PHACTR3: variants seen among roughly 807,000 people sequenced by gnomAD.
PHACTR3 encodes the protein phosphatase and actin regulator 3, also known as protein phosphatase 1, regulatory subunit 123.
Under a neutral mutation model 66.8 loss-of-function variants are expected in PHACTR3, and 16 were observed. The ratio of observed to expected loss-of-function variants is 0.24; its 90% confidence interval spans 0.16 to 0.36. The LOEUF (loss-of-function observed/expected upper bound fraction) is 0.36. Ranked by LOEUF, PHACTR3 falls within the 10% of genes least tolerant of loss-of-function variation. PHACTR3 has a pLI of 1.00. For synonymous variants in PHACTR3, 323 were observed against 292.1 expected, an observed-to-expected ratio of 1.11 and a Z score of -1.08; for missense variants, 647 against 719.9, an observed-to-expected ratio of 0.90 and a Z score of 1.16.
At chr20:59,719,228 C>T (rs943173474) in intron 1 of PHACTR3, among the ~76,000 whole-genome samples, 2 of 152,036 alleles carry the variant, frequency 1.3e-5, no homozygotes, top group South Asian at 2.1e-4. Context: ...TGCAGTGGTG[C>T]GATCTCAGCT....
intron 4 of PHACTR3, among the ~76,000 whole-genome samples, chr20:59,757,339 C>T (rs574334926): frequency 2.1e-4 from 32 of 152,360 alleles, no homozygotes; most frequent in African/African-American, 7.0e-4. Context: ...GCTGGGTGTG[C>T]GGATGGGTTC....
chr20:59,682,687 C>T (rs1003971096), intron 1 of PHACTR3, among the ~76,000 whole-genome samples: 14 of 152,242 alleles, frequency 9.2e-5, no homozygotes, highest in South Asian at 2.1e-4. Context: ...GCCGTGAAGG[C>T]GGTGAGGAAG....
intron 1 of PHACTR3, among the ~76,000 whole-genome samples, chr20:59,690,278 C>T (rs2037062532): frequency 6.6e-6 from 1 of 152,204 alleles, no homozygotes; most frequent in Non-Finnish European, 1.5e-5. Context: ...CTGACTCCAG[C>T]TCATCCTCTC....
chr20:59,791,436 C>A (rs1433409620), intron 7 of PHACTR3, among the ~76,000 whole-genome samples: 1 of 152,120 alleles, frequency 6.6e-6, no homozygotes, highest in East Asian at 1.9e-4. Context: ...AGAGCAAGCT[C>A]CCTGGTAGGT....
intron 11 of PHACTR3, chr20:59,844,600 C>T (rs568110958): frequency 1.3e-5 from 2 of 152,220 alleles, no homozygotes; most frequent in Admixed American, 6.5e-5. Context: ...ACAAATATCG[C>T]ATGTTCTCAC....
At chr20:59,583,977 C>T (rs1307048992) in intron 1 of PHACTR3, among the ~76,000 whole-genome samples, 1 of 152,252 alleles carries the variant, frequency 6.6e-6, no homozygotes, top group Non-Finnish European at 1.5e-5. Flanking sequence ...AGCTCTTGGG[C>T]CTCACACTAC....
At chr20:59,797,851 T>A (rs1003693818) in intron 7 of PHACTR3, among the ~76,000 whole-genome samples, 1 of 152,208 alleles carries the variant, frequency 6.6e-6, no homozygotes, top group African/African-American at 2.4e-5. Flanking sequence ...TATCACAATT[T>A]TTATAAATTG....
chr20:59,742,119 G>A (rs757458473), intron 1 of PHACTR3, among the ~76,000 whole-genome samples: 56 of 152,234 alleles, frequency 3.7e-4, no homozygotes, highest in Non-Finnish European at 4.3e-4. Flanking sequence ...ACACCAGTGT[G>A]TGCCTGTATA....
chr20:59,633,986 A>G lies in PHACTR3; in HGVS notation c.118+28854A>G, dbSNP rs896703037. 3.3e-5 allele frequency among the ~76,000 whole-genome samples: 5 copies of G among 152,226 alleles called. No homozygotes were observed. The East Asian group carries it at 7.7e-4, about 23-fold the overall frequency. ...ATTTTCTCCCAAACCACTCAACTGT[A>G]TAACATTACTGGGAAATGTCTAATT... is the stretch of plus-strand genomic sequence containing the variant. On this transcript the variant is annotated intron_variant, in intron 1 of 12. Coordinates refer to ENST00000371015, the MANE Select transcript of PHACTR3 (RefSeq NM_080672.5).
chr20:59,743,666 A>G (rs2039259998), intron 2 of PHACTR3, among the ~76,000 whole-genome samples: 1 of 152,168 alleles, frequency 6.6e-6, no homozygotes, highest in Non-Finnish European at 1.5e-5. Flanking sequence ...CGACTCCCGC[A>G]CCACCTCACC....
intron 1 of PHACTR3, among the ~76,000 whole-genome samples, chr20:59,659,539 C>T (rs1200225267): frequency 6.6e-6 from 1 of 151,760 alleles, no homozygotes; most frequent in Non-Finnish European, 1.5e-5. Flanking sequence ...TGCCCAGCTA[C>T]TTTTTGTATT....
intron 8 of PHACTR3, among the ~76,000 whole-genome samples, chr20:59,827,194 G>A (rs887464521): frequency 9.2e-5 from 14 of 152,218 alleles, no homozygotes; most frequent in African/African-American, 3.4e-4. Flanking sequence ...GGAACCATCC[G>A]GAGAGACTGG....
intron 1 of PHACTR3, among the ~76,000 whole-genome samples, chr20:59,711,471 A>G (rs1451752415): frequency 1.3e-5 from 2 of 152,200 alleles, no homozygotes; most frequent in Admixed American, 1.3e-4. Flanking sequence ...CCAGTTTGGC[A>G]AAAATGGAAA....
Position 59,738,737 on chromosome 20 carries a change from G to A in PHACTR3, c.119-4370G>A, listed in dbSNP as rs1410460734. Among the ~76,000 whole-genome samples the A allele has an allele frequency of 6.6e-6, 1 of 152,128 alleles. No homozygotes were observed. Among genetic ancestry groups the A allele is most frequent in the African/African-American group, 2.4e-5 (1 of 41,432 alleles). ...CTGACACTCCCTTCATCCTTCAGCT[G>A]TGTATGTGTGTTTCTGGTGATTGCT... On this transcript the variant is annotated intron_variant, in intron 1 of 12. Transcript: ENST00000371015. The surrounding 1 kb of genome is among the most constrained non-coding windows in gnomAD (Gnocchi z 4.4).
intron 1 of PHACTR3, among the ~76,000 whole-genome samples, chr20:59,648,121 C>T (rs1231988672): frequency 6.6e-6 from 1 of 152,200 alleles, no homozygotes. Flanking sequence ...TATTGACTGA[C>T]ACCGTTTTGT....
At position 59,785,441 on chromosome 20, in the gene PHACTR3, G is replaced by A. The variant is rs571812943; in HGVS notation, c.1174+10951G>A. ...CAACTTGTGAATTCTGGGGCAGAGC[G>A]GTGGTACACAGGTGAATCATAATGT... On this transcript the variant is annotated intron_variant, in intron 7 of 12. Coordinates refer to ENST00000371015, the MANE Select transcript of PHACTR3 (RefSeq NM_080672.5). Among the ~76,000 whole-genome samples the A allele has an allele frequency of 1.2e-4, 19 of 152,314 alleles. No individual in the cohort carries two copies. In the East Asian group the frequency reaches 2.7e-3, roughly 22 times the overall value.
intron 1 of PHACTR3, among the ~76,000 whole-genome samples, chr20:59,669,580 A>G (rs1325672961): frequency 6.6e-6 from 1 of 151,958 alleles, no homozygotes; most frequent in Non-Finnish European, 1.5e-5. Context: ...AATTTAGAAT[A>G]TTTTCTTCTC....
intron 1 of PHACTR3, among the ~76,000 whole-genome samples, chr20:59,584,276 C>T (rs6128636): frequency 0.5 from 76,248 of 151,256 alleles, 19,535 homozygotes; most frequent in Admixed American, 0.59. Flanking sequence ...GTTTGTGAGG[C>T]CGTGCAAGAG....
intron 7 of PHACTR3, among the ~76,000 whole-genome samples, chr20:59,804,921 T>C (rs1269113181): frequency 2.0e-5 from 3 of 152,180 alleles, no homozygotes; most frequent in African/African-American, 7.2e-5. Flanking sequence ...CCTGCCTTCA[T>C]CTATGGAAGT....
Sources: gnomAD v4.1 joint callset for allele counts (sites outside exome capture counted in the v4.1 genomes callset) on GRCh38, gnomAD v4.1.1 for gene constraint, Gnocchi (gnomAD v3.1) non-coding constraint, MANE v1.5 for transcripts, NCBI Gene and HGNC (gene_info 2026-07-23, HGNC 2026-07-21) for gene names.